The following PLPP4 variants were observed in gnomAD, a reference collection of about 807,000 sequenced individuals.
PLPP4 encodes the protein phospholipid phosphatase 4, also known as diacylglycerol pyrophosphate like 2.
A neutral mutation model predicts 32.2 loss-of-function variants in PLPP4; 20 were observed. The ratio of observed to expected loss-of-function variants is 0.62; its 90% confidence interval spans 0.44 to 0.90. PLPP4 has a LOEUF of 0.90. PLPP4 is among the 40% of genes least tolerant of loss of function. The pLI is 0.00. For synonymous variants in PLPP4, 127 were observed against 133.0 expected (o/e 0.95, Z 0.31); for missense variants, 257 against 353.1 (o/e 0.73, Z 2.18).
chr10:120,470,714 A>C (rs1848479723), intron 1 of PLPP4, among the ~76,000 whole-genome samples: 1 of 152,132 alleles, frequency 6.6e-6, no homozygotes, highest in African/African-American at 2.4e-5. Flanking sequence ...GTCTCAATTA[A>C]TATTTTAATT....
chr10:120,549,265 A>T (rs1032134759), intron 5 of PLPP4, among the ~76,000 whole-genome samples: 2 of 151,348 alleles, frequency 1.3e-5, no homozygotes, highest in African/African-American at 2.4e-5. Context: ...GAGCGGTTTC[A>T]TGCCAACAAA....
intron 5 of PLPP4, among the ~76,000 whole-genome samples, chr10:120,565,107 T>C (rs982853651): frequency 9.9e-5 from 15 of 152,216 alleles, no homozygotes; most frequent in Non-Finnish European, 1.8e-4. Context: ...TTAACTCTGA[T>C]CGATAATATG....
chr10:120,514,782 C>A (rs1316828250), intron 3 of PLPP4, among the ~76,000 whole-genome samples: 3 of 152,080 alleles, frequency 2.0e-5, no homozygotes, highest in African/African-American at 7.2e-5. Context: ...TGAGAAAAAC[C>A]AAATCAGGTT....
At chr10:120,542,667 T>C (rs1847403110) in intron 5 of PLPP4, among the ~76,000 whole-genome samples, 1 of 152,210 alleles carries the variant, frequency 6.6e-6, no homozygotes, top group Admixed American at 6.5e-5. Flanking sequence ...TGTAAAAGTA[T>C]GTTCAGTTCT....
intron 5 of PLPP4, among the ~76,000 whole-genome samples, chr10:120,521,871 G>A (rs2133911543): frequency 6.6e-6 from 1 of 152,388 alleles, no homozygotes; most frequent in East Asian, 1.9e-4. Context: ...TATATGTAAA[G>A]CGCTTAGTAT....
chr10:120,495,648 C>G (rs1385527953), intron 1 of PLPP4, among the ~76,000 whole-genome samples: 3 of 151,154 alleles, frequency 2.0e-5, no homozygotes, highest in Admixed American at 1.3e-4. Flanking sequence ...TTTTTTTCTT[C>G]AGATCTCAGG....
chr10:120,544,897 C>T (rs534458664), intron 5 of PLPP4, among the ~76,000 whole-genome samples: 5 of 152,228 alleles, frequency 3.3e-5, no homozygotes, highest in Non-Finnish European at 7.3e-5. Flanking sequence ...ATGCCCAGGC[C>T]ATCTCCACTC....
chr10:120,473,040 G>A (rs942430934), intron 1 of PLPP4, among the ~76,000 whole-genome samples: 6 of 152,020 alleles, frequency 3.9e-5, no homozygotes, highest in Non-Finnish European at 7.4e-5. Context: ...ATTCATAATG[G>A]AAAATCCCTT....
chr10:120,491,407 C>G (rs898125857), intron 1 of PLPP4, among the ~76,000 whole-genome samples: 1 of 152,200 alleles, frequency 6.6e-6, no homozygotes, highest in Non-Finnish European at 1.5e-5. Context: ...CACCTTTAAC[C>G]TGAGCATTTT....
At chr10:120,494,580 A>G (rs1385613454) in intron 1 of PLPP4, among the ~76,000 whole-genome samples, 1 of 152,180 alleles carries the variant, frequency 6.6e-6, no homozygotes, top group Non-Finnish European at 1.5e-5. Flanking sequence ...AAGAAGAACC[A>G]TCCCCAAGAG....
chr10:120,586,378 A>G (rs1183772500), intron 6 of PLPP4, among the ~76,000 whole-genome samples: 2 of 150,800 alleles, frequency 1.3e-5, no homozygotes, highest in Non-Finnish European at 2.9e-5. Flanking sequence ...TCCTGAGCTC[A>G]GTCAGTTCGC....
At chr10:120,490,303 T>C (rs929384025) in intron 1 of PLPP4, among the ~76,000 whole-genome samples, 8 of 152,210 alleles carry the variant, frequency 5.3e-5, no homozygotes, top group African/African-American at 1.4e-4. Flanking sequence ...TGCATTTGAA[T>C]TGAGAAGTTC....
chr10:120,544,656 C>T (rs1398192270), intron 5 of PLPP4, among the ~76,000 whole-genome samples: 1 of 152,238 alleles, frequency 6.6e-6, no homozygotes, highest in Non-Finnish European at 1.5e-5. Flanking sequence ...CCCCGGAAAG[C>T]AGGCCTGCCT....
chr10:120,524,439 A>G (rs1846301090), intron 5 of PLPP4, among the ~76,000 whole-genome samples: 1 of 152,148 alleles, frequency 6.6e-6, no homozygotes, highest in Admixed American at 6.5e-5. Flanking sequence ...TCCTAAGACT[A>G]ATTCTCCATG....
At chr10:120,474,408 T>G (rs1016838361) in intron 1 of PLPP4, among the ~76,000 whole-genome samples, 1 of 152,238 alleles carries the variant, frequency 6.6e-6, no homozygotes, top group African/African-American at 2.4e-5. Flanking sequence ...AATTTACTTT[T>G]CTGTGATGTG....
intron 1 of PLPP4, among the ~76,000 whole-genome samples, chr10:120,459,193 G>A (rs1847928950): frequency 6.6e-6 from 1 of 152,176 alleles, no homozygotes; most frequent in Non-Finnish European, 1.5e-5. Flanking sequence ...GGCAGTTTAT[G>A]TTCTGTTCTC....
intron 5 of PLPP4, among the ~76,000 whole-genome samples, chr10:120,546,779 A>G (rs1367858259): frequency 6.6e-6 from 1 of 152,172 alleles, no homozygotes. Flanking sequence ...GAAACCTTTG[A>G]TTATCAAGAT....
chr10:120,505,886 A>C (rs1041909486), intron 2 of PLPP4, among the ~76,000 whole-genome samples: 2 of 152,136 alleles, frequency 1.3e-5, no homozygotes, highest in South Asian at 4.1e-4. Context: ...TTTATCAGTT[A>C]CTCCTATTTT....
At chr10:120,529,768 A>G (rs1358299668) in intron 5 of PLPP4, among the ~76,000 whole-genome samples, 2 of 152,216 alleles carry the variant, frequency 1.3e-5, no homozygotes, top group Admixed American at 1.3e-4. Flanking sequence ...TAAAAAAGAA[A>G]AAACAAAAAA....
Sources: gnomAD v4.1 joint callset for allele counts (sites outside exome capture counted in the v4.1 genomes callset) on GRCh38, gnomAD v4.1.1 for gene constraint, MANE v1.5 for transcripts, NCBI Gene and HGNC (gene_info 2026-07-23, HGNC 2026-07-21) for gene names.